SLC24A2: variants seen among roughly 807,000 people sequenced by gnomAD.
The protein encoded by SLC24A2 is solute carrier family 24 member 2, also known as sodium/potassium/calcium exchanger 2.
In SLC24A2, 36 loss-of-function variants were observed where a neutral mutation model predicts 62.0. The observed-to-expected ratio is 0.58, with a 90% CI of 0.44 to 0.77. SLC24A2 has a LOEUF of 0.77. Ranked by LOEUF, SLC24A2 falls within the 30% of genes least tolerant of loss-of-function variation. The pLI, the probability that SLC24A2 is intolerant of heterozygous loss-of-function variation, is 0.00. For missense variants in SLC24A2, 846 were observed against 817.9 expected, an observed-to-expected ratio of 1.03 and a Z score of -0.42; for synonymous variants, 358 against 294.0, an observed-to-expected ratio of 1.22 and a Z score of -2.23.
chr9:20,237,065 C>A, the SLC24A2 span, among the ~76,000 whole-genome samples: 3 of 152,078 alleles, frequency 2.0e-5, no homozygotes, highest in Admixed American at 2.0e-4. Flanking sequence ...ACCAGAGACT[C>A]AAAAGAGCAT....
chr9:20,147,553 A>G, the SLC24A2 span, among the ~76,000 whole-genome samples: 3 of 152,294 alleles, frequency 2.0e-5, no homozygotes, highest in African/African-American at 7.2e-5. Context: ...CAAGTGCCCA[A>G]TGTAGATATG....
chr9:20,086,174 TCTC>T, the SLC24A2 span, among the ~76,000 whole-genome samples: 1 of 152,104 alleles, frequency 6.6e-6, no homozygotes, highest in Admixed American at 6.5e-5. Context: ...CCTTTGAACA[TCTC>T]CTCTCCAGCA....
rs150571112 is a variant in SLC24A2, at chr9:19,680,662, T to C, written c.931-58363A>G. ...TGAAAGTATATATTTCATTTTGGGG[T>C]CCCTTACCTCTACAGTCTTTCCCAT... On this transcript the variant is annotated intron_variant, in intron 2 of 10. Transcript: ENST00000341998. 6.6e-5 allele frequency among the ~76,000 whole-genome samples: 10 copies of C among 151,826 alleles called. 1 individual carries two copies. The East Asian group carries it at 1.9e-3, about 29-fold the overall frequency.
At chr9:19,707,746 G>A (rs1235584537) in intron 2 of SLC24A2, among the ~76,000 whole-genome samples, 1 of 152,126 alleles carries the variant, frequency 6.6e-6, no homozygotes, top group African/African-American at 2.4e-5. Context: ...GTATTGATGG[G>A]ATGTATCTCA....
At chr9:20,055,862 C>A in the SLC24A2 span, among the ~76,000 whole-genome samples, 1 of 151,956 alleles carries the variant, frequency 6.6e-6, no homozygotes, top group African/African-American at 2.4e-5. Context: ...GCACTCCAGC[C>A]TGGGTGACAG....
chr9:20,142,873 G>T, the SLC24A2 span, among the ~76,000 whole-genome samples: 4 of 152,170 alleles, frequency 2.6e-5, no homozygotes, highest in African/African-American at 9.7e-5. Flanking sequence ...TGGGATTACA[G>T]GCATGAACCA....
chr9:19,993,684 C>T, the SLC24A2 span, among the ~76,000 whole-genome samples: 3 of 152,244 alleles, frequency 2.0e-5, no homozygotes, highest in East Asian at 1.9e-4. Context: ...AGAGTTCTAC[C>T]CCATCTTGGT....
In SLC24A2 at chr9:19,736,711, G is replaced by A. The variant is rs1332747571; in HGVS notation, c.930+49226C>T. ...TAAAAATAAAAATAAAACTAGCCAA[G>A]TGTGGTCGTGTGCACCTGTAATCTT... On this transcript the variant is annotated intron_variant, in intron 2 of 10. Transcript: ENST00000341998. Among the ~76,000 whole-genome samples, 3 of 152,214 alleles carry A rather than the reference G, an allele frequency of 2.0e-5. No individual in the cohort carries two copies. In the South Asian group the frequency reaches 6.2e-4, roughly 32 times the overall value.
At chr9:19,541,798 C>T (rs1358339695) in intron 8 of SLC24A2, among the ~76,000 whole-genome samples, 1 of 148,790 alleles carries the variant, frequency 6.7e-6, no homozygotes. Context: ...GGCGCCCCTC[C>T]CCCAGCCTCG....
At chr9:20,034,597 G>T in the SLC24A2 span, among the ~76,000 whole-genome samples, 1 of 151,994 alleles carries the variant, frequency 6.6e-6, no homozygotes, top group South Asian at 2.1e-4. Context: ...TTCCCGAGGA[G>T]CTGGGATTAC....
chr9:19,911,181 C>T, the SLC24A2 span, among the ~76,000 whole-genome samples: 1 of 149,866 alleles, frequency 6.7e-6, no homozygotes, highest in African/African-American at 2.5e-5. Flanking sequence ...AGTTTTTTGT[C>T]CTTGCGATAG....
chr9:19,606,020 G>C (rs1836973854), intron 4 of SLC24A2, among the ~76,000 whole-genome samples: 1 of 152,180 alleles, frequency 6.6e-6, no homozygotes, highest in Non-Finnish European at 1.5e-5. Context: ...GGTAGAGAGG[G>C]TTTTTCTAAA....
the SLC24A2 span, among the ~76,000 whole-genome samples, chr9:20,210,922 C>T: frequency 6.6e-6 from 1 of 151,944 alleles, no homozygotes; most frequent in Admixed American, 6.6e-5. Flanking sequence ...TGTTGCTGCC[C>T]GCTTCAGGTC....
At chr9:19,844,080 A>G in the SLC24A2 span, among the ~76,000 whole-genome samples, 1 of 152,138 alleles carries the variant, frequency 6.6e-6, no homozygotes, top group Non-Finnish European at 1.5e-5. Flanking sequence ...TTCTGTTTTT[A>G]GTTCTTTGAG....
intron 2 of SLC24A2, among the ~76,000 whole-genome samples, chr9:19,687,164 G>C (rs898223371): frequency 2.4e-4 from 37 of 152,146 alleles, no homozygotes; most frequent in African/African-American, 8.7e-4. Context: ...GGATCAAAAA[G>C]CTACCTATTG....
intron 8 of SLC24A2, among the ~76,000 whole-genome samples, chr9:19,546,826 G>C (rs1586933869): frequency 1.3e-5 from 2 of 152,312 alleles, no homozygotes; most frequent in South Asian, 2.1e-4. Flanking sequence ...GGACACTGGA[G>C]GGTATCTTCT....
chr9:19,774,725 A>T (rs1822793685), intron 2 of SLC24A2, among the ~76,000 whole-genome samples: 1 of 152,224 alleles, frequency 6.6e-6, no homozygotes, highest in African/African-American at 2.4e-5. Context: ...AGAGAAGCAG[A>T]AACTCATCTG....
chr9:20,068,298 G>A, the SLC24A2 span, among the ~76,000 whole-genome samples: 2 of 151,904 alleles, frequency 1.3e-5, no homozygotes, highest in Non-Finnish European at 2.9e-5. Flanking sequence ...TCCTGACCTC[G>A]TAATCCACCT....
chr9:20,228,811 G>A, the SLC24A2 span, among the ~76,000 whole-genome samples: 10 of 152,206 alleles, frequency 6.6e-5, no homozygotes, highest in Middle Eastern at 3.4e-3. Flanking sequence ...AGAAGAGGCC[G>A]GAGCTCCCAG....
Sources: gnomAD v4.1 joint callset for allele counts (sites outside exome capture counted in the v4.1 genomes callset) on GRCh38, gnomAD v4.1.1 for gene constraint, MANE v1.5 for transcripts, NCBI Gene and HGNC (gene_info 2026-07-23, HGNC 2026-07-21) for gene names.